MACROD2: variants seen among roughly 807,000 people sequenced by gnomAD.
MACROD2 encodes ADP-ribose glycohydrolase MACROD2.
A neutral mutation model predicts 70.4 loss-of-function variants in MACROD2; 36 were observed. The ratio of observed to expected loss-of-function variants is 0.51; its 90% CI spans 0.39 to 0.68. The LOEUF (loss-of-function observed/expected upper bound fraction) is 0.68, where lower values mean the gene tolerates loss of function less well. Ranked by LOEUF, MACROD2 falls within the 30% of genes least tolerant of loss-of-function variation. MACROD2 has a pLI of 0.00. For synonymous variants in MACROD2, 172 were observed against 178.8 expected, an observed-to-expected ratio of 0.96 and a Z score of 0.30; for missense variants, 496 against 538.4, an observed-to-expected ratio of 0.92 and a Z score of 0.78.
chr20:14,799,622 C>A (rs73264682), intron 5 of MACROD2, among the ~76,000 whole-genome samples: 2,295 of 152,104 alleles, frequency 0.015, 74 homozygotes, highest in African/African-American at 0.052. Context: ...ATTTAGATGT[C>A]TTTGTGTGTT....
intron 5 of MACROD2, among the ~76,000 whole-genome samples, chr20:14,918,605 T>A (rs1366722572): frequency 1.4e-5 from 2 of 147,918 alleles, no homozygotes; most frequent in Admixed American, 6.8e-5. Context: ...TTTGTGACAC[T>A]GTGTTTTTTT....
At chr20:15,067,901 A>C (rs927595139) in intron 5 of MACROD2, among the ~76,000 whole-genome samples, 5 of 152,200 alleles carry the variant, frequency 3.3e-5, no homozygotes, top group Non-Finnish European at 5.9e-5. Flanking sequence ...AGAGAATTTC[A>C]GTTAACAAAT....
At chr20:15,459,477 G>C (rs2046779202) in intron 7 of MACROD2, among the ~76,000 whole-genome samples, 1 of 152,098 alleles carries the variant, frequency 6.6e-6, no homozygotes, top group Admixed American at 6.6e-5. Context: ...TCCTTGTATA[G>C]AAGCTTCCTT....
intron 8 of MACROD2, among the ~76,000 whole-genome samples, chr20:15,715,922 TGCA>T (rs1317918146): frequency 6.6e-6 from 1 of 152,188 alleles, no homozygotes; most frequent in Non-Finnish European, 1.5e-5. Flanking sequence ...AAGCTTGCCA[TGCA>T]TATAGTGATA....
intron 6 of MACROD2, among the ~76,000 whole-genome samples, chr20:15,240,225 T>C (rs1219369218): frequency 6.6e-6 from 1 of 152,224 alleles, no homozygotes; most frequent in Non-Finnish European, 1.5e-5. Context: ...TCATATAGCA[T>C]GTCTTAGAGG....
At chr20:14,985,447 T>G (rs774581363) in intron 5 of MACROD2, among the ~76,000 whole-genome samples, 1 of 152,162 alleles carries the variant, frequency 6.6e-6, no homozygotes, top group Non-Finnish European at 1.5e-5. Flanking sequence ...TCCATTGGCC[T>G]CCCTTTGATT....
chr20:15,772,101 A>AT (rs1476065147), intron 8 of MACROD2, among the ~76,000 whole-genome samples: 19 of 91,424 alleles, frequency 2.1e-4, no homozygotes, highest in South Asian at 7.9e-4. Flanking sequence ...AAAAAAAAAA[A>AT]ATATATATAT....
chr20:14,397,326 C>T (rs1036144340), intron 3 of MACROD2, among the ~76,000 whole-genome samples: 1 of 152,174 alleles, frequency 6.6e-6, no homozygotes, highest in African/African-American at 2.4e-5. Context: ...ATTGATATTG[C>T]TGGGTTTGAA....
At chr20:14,441,977 A>AATTGAG (rs1272381428) in intron 3 of MACROD2, among the ~76,000 whole-genome samples, 14 of 152,276 alleles carry the variant, frequency 9.2e-5, no homozygotes, top group Admixed American at 3.3e-4. Flanking sequence ...ATAAATTAAA[A>AATTGAG]ATAAATGGGA....
chr20:15,410,642 A>G (rs927450854), intron 6 of MACROD2, among the ~76,000 whole-genome samples: 3 of 147,116 alleles, frequency 2.0e-5, no homozygotes, highest in African/African-American at 7.7e-5. Flanking sequence ...CAATTCTCAG[A>G]CTGAATTCTG....
chr20:15,511,514 T>C (rs1291713089), intron 8 of MACROD2, among the ~76,000 whole-genome samples: 1 of 152,200 alleles, frequency 6.6e-6, no homozygotes, highest in Admixed American at 6.5e-5. Flanking sequence ...CTGGACTTAC[T>C]GAGATGTGAT....
intron 8 of MACROD2, among the ~76,000 whole-genome samples, chr20:15,667,448 G>T (rs2049914787): frequency 6.6e-6 from 1 of 151,866 alleles, no homozygotes; most frequent in African/African-American, 2.4e-5. Context: ...TTCAATGCAA[G>T]AATGACCTAA....
intron 3 of MACROD2, among the ~76,000 whole-genome samples, chr20:14,247,253 C>T (rs1267517164): frequency 6.6e-6 from 1 of 152,122 alleles, no homozygotes; most frequent in Non-Finnish European, 1.5e-5. Flanking sequence ...AAAACTTGGA[C>T]CTGATCTTCA....
At chr20:15,739,220 T>C (rs1261760529) in intron 8 of MACROD2, among the ~76,000 whole-genome samples, 1 of 152,178 alleles carries the variant, frequency 6.6e-6, no homozygotes, top group Non-Finnish European at 1.5e-5. Context: ...CTGTGTTGAT[T>C]GGAAGCAAGA....
chr20:15,069,307 A>C (rs1171823806), intron 5 of MACROD2, among the ~76,000 whole-genome samples: 1 of 152,228 alleles, frequency 6.6e-6, no homozygotes, highest in African/African-American at 2.4e-5. Context: ...CAGAGCTTAA[A>C]AATTTGGAAA....
chr20:14,589,409 C>G (rs1336222448), intron 4 of MACROD2, among the ~76,000 whole-genome samples: 1 of 152,030 alleles, frequency 6.6e-6, no homozygotes, highest in Non-Finnish European at 1.5e-5. Flanking sequence ...TAAGTTTTGT[C>G]AAAACATCTT....
chr20:15,775,165 G>A (rs2051700853), intron 8 of MACROD2, among the ~76,000 whole-genome samples: 1 of 152,094 alleles, frequency 6.6e-6, no homozygotes, highest in Non-Finnish European at 1.5e-5. Context: ...GAGGAGTCAT[G>A]AATATTTGTG....
intron 2 of MACROD2, among the ~76,000 whole-genome samples, chr20:14,057,933 C>T (rs750485155): frequency 1.3e-5 from 2 of 152,010 alleles, no homozygotes; most frequent in Non-Finnish European, 2.9e-5. Context: ...AAATACTTAC[C>T]GTGTATGATT....
chr20:15,945,978 A>T (rs185339224), intron 12 of MACROD2, among the ~76,000 whole-genome samples: 23 of 152,264 alleles, frequency 1.5e-4, no homozygotes. Flanking sequence ...AGGGATTGGA[A>T]CCACGGCAAC....
Sources: allele counts gnomAD v4.1 joint callset (sites outside exome capture counted in the v4.1 genomes callset), GRCh38; gene constraint gnomAD v4.1.1; transcripts MANE v1.5; gene names NCBI Gene and HGNC (gene_info 2026-07-23, HGNC 2026-07-21).